CCDC158: variants seen among roughly 807,000 people sequenced by gnomAD.
CCDC158 encodes coiled-coil domain containing 158, also known as coiled-coil domain-containing protein 158.
CCDC158 carries 116 observed loss-of-function variants against 138.6 expected under a neutral mutation model. That is an observed-to-expected ratio of 0.84 (90% CI 0.72 to 0.98). The LOEUF (loss-of-function observed/expected upper bound fraction) is 0.98. Among genes scored for constraint, CCDC158 ranks in the 50% least tolerant of loss-of-function variants. The pLI is 0.00. For missense variants in CCDC158, 1,265 were observed against 1,306.1 expected (o/e 0.97, Z 0.48); for synonymous variants, 436 against 442.4 (o/e 0.99, Z 0.18).
chr4:76,396,000 G>C (rs1727747038), intron 4 of CCDC158, among the ~76,000 whole-genome samples: 1 of 152,088 alleles, frequency 6.6e-6, no homozygotes, highest in Non-Finnish European at 1.5e-5. Flanking sequence ...TTATAATTTT[G>C]AGTTATTCAA....
chr4:76,400,732 A>G (rs1728297324), intron 3 of CCDC158, among the ~76,000 whole-genome samples: 1 of 152,156 alleles, frequency 6.6e-6, no homozygotes, highest in Non-Finnish European at 1.5e-5. Context: ...TTTGAAGTGG[A>G]AAATCCACAT....
intron 18 of CCDC158, among the ~76,000 whole-genome samples, chr4:76,338,770 C>T (rs1271345912): frequency 6.6e-6 from 1 of 152,048 alleles, no homozygotes; most frequent in African/African-American, 2.4e-5. Flanking sequence ...TTTGATTTAC[C>T]ACTTTGCCTG....
intron 18 of CCDC158, among the ~76,000 whole-genome samples, chr4:76,339,428 T>G (rs529141155): frequency 7.9e-5 from 12 of 152,326 alleles, no homozygotes; most frequent in Middle Eastern, 3.4e-3. Flanking sequence ...TAGCAGAGAA[T>G]AGTGAGGCAC....
At chr4:76,317,704 A>G (rs1239990174) in intron 24 of CCDC158, among the ~76,000 whole-genome samples, 1 of 152,226 alleles carries the variant, frequency 6.6e-6, no homozygotes, top group African/African-American at 2.4e-5. Flanking sequence ...TGCAGAATAT[A>G]CATTCTTTTC....
At position 76,334,455 on chromosome 4, in the gene CCDC158, T is replaced by G. The variant is rs192898082; in HGVS notation, c.2665-288A>C. ...GTTTTAAAATTTTAACAATGTAGTA[T>G]GAACATCCTTACTATGTCATTAAAT... On this transcript the variant is annotated intron_variant, in intron 18 of 24. Coordinates refer to ENST00000682701, the MANE Select transcript of CCDC158 (RefSeq NM_001394954.1). Among the ~76,000 whole-genome samples the G allele has an allele frequency of 2.7e-3, 418 of 152,338 alleles. 2 individuals carry two copies. The highest frequency in any genetic ancestry group is 9.1e-3 in the African/African-American group (379 of 41,576).
chr4:76,320,164 T>A (rs1319610373), intron 24 of CCDC158, among the ~76,000 whole-genome samples: 1 of 152,170 alleles, frequency 6.6e-6, no homozygotes, highest in Non-Finnish European at 1.5e-5. Context: ...AAGCTTGGTA[T>A]CAATTCAAGA....
In CCDC158 at chr4:76,396,453, C is replaced by A. The variant is rs368025660; in HGVS notation, c.104G>T (p.Arg35Leu). 1 of 1,609,428 alleles carries A rather than the reference C, an allele frequency of 6.2e-7. No individual in the cohort carries two copies. The highest frequency in any genetic ancestry group is 8.5e-7 in the Non-Finnish European group (1 of 1,178,726). The change falls in exon 4 of 25, where the codon CGT becomes CTT. Residue 35 changes from arginine (R) to leucine (L), a missense_variant. Coordinates refer to ENST00000682701, the MANE Select transcript of CCDC158 (RefSeq NM_001394954.1). ...SSSSFFVSSI[R>L]GTIIENTSSA... ...AGATGTGTTTTCAATTATTGTACCA[C>A]GAATAGATGACACAAAAAATGAACT...
intron 18 of CCDC158, among the ~76,000 whole-genome samples, chr4:76,350,230 G>C (rs1161273562): frequency 6.6e-6 from 1 of 152,128 alleles, no homozygotes; most frequent in Non-Finnish European, 1.5e-5. Flanking sequence ...TTTGTTGTAT[G>C]ATAGTTTATG....
chr4:76,359,628 T>C (rs536282771), intron 13 of CCDC158, among the ~76,000 whole-genome samples: 1 of 152,324 alleles, frequency 6.6e-6, no homozygotes, highest in Non-Finnish European at 1.5e-5. Flanking sequence ...TCTGTGGAAC[T>C]TTGAACTTGA....
chr4:76,325,313 G>C (rs2110084728), intron 23 of CCDC158, among the ~76,000 whole-genome samples: 1 of 152,286 alleles, frequency 6.6e-6, no homozygotes, highest in Non-Finnish European at 1.5e-5. Context: ...TTTGGTCACT[G>C]TCATACATGA....
Position 76,382,649 on chromosome 4 carries a change from C to T in CCDC158, c.875G>A (p.Ser292Asn), listed in dbSNP as rs750228485. Residue 292 changes from serine (S) to asparagine (N), a missense_variant, in exon 8 of 25, where the codon AGC (serine) becomes AAC (asparagine). Ser to Asn is a conservative substitution (Grantham distance 46). Transcript: ENST00000682701. ...TTGACTCTGGATACTATTGGCTTGG[C>T]TTCGAGCACTGCTAGCTTTCTCAGT... ...GLTEKASSAR[S>N]QANSIQSQME... The T allele has an allele frequency of 1.2e-6, 2 of 1,613,510 alleles. No homozygotes were observed. Among genetic ancestry groups the T allele is most frequent in the Non-Finnish European group, 1.7e-6 (2 of 1,179,650 alleles).
intron 4 of CCDC158, among the ~76,000 whole-genome samples, chr4:76,393,810 T>C (rs1002247669): frequency 1.3e-5 from 2 of 152,020 alleles, no homozygotes; most frequent in African/African-American, 2.4e-5. Context: ...TGATTAAAAA[T>C]AGGCAAATGA....
At chr4:76,389,546 T>C (rs751054026) in intron 4 of CCDC158, among the ~76,000 whole-genome samples, 3 of 152,152 alleles carry the variant, frequency 2.0e-5, no homozygotes, top group Non-Finnish European at 2.9e-5. Flanking sequence ...AGAAAGTTTA[T>C]TCAAAGGGAA....
chr4:76,320,110 C>A (rs187473177), intron 24 of CCDC158, among the ~76,000 whole-genome samples: 19 of 152,264 alleles, frequency 1.2e-4, no homozygotes, highest in African/African-American at 4.3e-4. Flanking sequence ...GATACAAAAT[C>A]AATGTACACA....
chr4:76,418,857 G>C (rs1729900264), intron 1 of CCDC158, among the ~76,000 whole-genome samples: 1 of 152,064 alleles, frequency 6.6e-6, no homozygotes, highest in South Asian at 2.1e-4. Context: ...TAGCTGCCTG[G>C]GTCCCAGAAG....
chr4:76,411,836 T>G (rs775394487), intron 2 of CCDC158, among the ~76,000 whole-genome samples: 2 of 152,076 alleles, frequency 1.3e-5, no homozygotes, highest in Non-Finnish European at 2.9e-5. Flanking sequence ...CCACACACCC[T>G]CCTCTCTGCC....
Position 76,353,182 on chromosome 4 carries a change from G to T in CCDC158, c.2386C>A (p.Arg796=), listed in dbSNP as rs760978403. ...TCTTTCAAACGGCGTTCCTGAGATCGCAGAACTTCCAACTCCCCAGCCATC... is the reference window on the plus strand; with the variant it reads ...TCTTTCAAACGGCGTTCCTGAGATCTCAGAACTTCCAACTCCCCAGCCATC... ...NKMAGELEVL[R]SQERRLKEKV... The change falls in exon 16 of 25, where the codon CGA becomes AGA. Residue 796 remains arginine (R), a synonymous_variant. Coordinates refer to ENST00000682701, the MANE Select transcript of CCDC158 (RefSeq NM_001394954.1). 1 of 1,613,618 alleles carries T rather than the reference G, an allele frequency of 6.2e-7. No homozygotes were observed. The highest frequency in any genetic ancestry group is 8.5e-7 in the Non-Finnish European group (1 of 1,179,776).
In CCDC158 at chr4:76,355,358, T is replaced by C. The variant is rs1479105268; in HGVS notation, c.2252A>G (p.Gln751Arg). The change falls in exon 15 of 25, where the codon CAG becomes CGG. Residue 751 changes from glutamine (Q) to arginine (R), a missense_variant. By Grantham distance (43) the Gln-to-Arg change is conservative (BLOSUM62 1). Transcript: ENST00000682701. ...GQIDALQSKI[Q>R]FLEEAMTNAN... ...ATTTGTCATTGCCTCTTCCAAAAACTGTATCTTGCTCTGAAGGGCATCTAT... is the reference window on the plus strand; with the variant it reads ...ATTTGTCATTGCCTCTTCCAAAAACCGTATCTTGCTCTGAAGGGCATCTAT... The C allele has an allele frequency of 7.4e-6, 12 of 1,613,896 alleles. No individual in the cohort carries two copies. Among genetic ancestry groups the C allele is most frequent in the South Asian group, 1.1e-5 (1 of 91,092 alleles).
chr4:76,392,492 C>T (rs375084703), intron 4 of CCDC158, among the ~76,000 whole-genome samples: 28 of 151,816 alleles, frequency 1.8e-4, no homozygotes, highest in African/African-American at 6.3e-4. Flanking sequence ...ACAAGATCAA[C>T]ATAATAAAAG....
Sources: gnomAD v4.1 joint callset for allele counts (sites outside exome capture counted in the v4.1 genomes callset) on GRCh38, gnomAD v4.1.1 for gene constraint, MANE v1.5 for transcripts, NCBI Gene and HGNC (gene_info 2026-07-23, HGNC 2026-07-21) for gene names.